CSMD1: variants seen among roughly 807,000 people sequenced by gnomAD.
CSMD1 encodes the protein CUB and sushi domain-containing protein 1.
CSMD1 carries 213 observed loss-of-function variants against 417.5 expected under a neutral mutation model. That is an observed-to-expected ratio of 0.51 (90% CI 0.46 to 0.57). The LOEUF is 0.57. CSMD1 is among the 20% of genes least tolerant of loss of function. The pLI, the probability that CSMD1 is intolerant of heterozygous loss-of-function variation, is 0.00. For missense variants in CSMD1, 6,923 were observed against 4,529.7 expected, an observed-to-expected ratio of 1.53 and a Z score of -15.17; for synonymous variants, 2,862 against 1,736.8, an observed-to-expected ratio of 1.65 and a Z score of -16.11.
intron 3 of CSMD1, among the ~76,000 whole-genome samples, chr8:4,221,021 G>A (rs1011113539): frequency 1.3e-5 from 2 of 152,146 alleles, no homozygotes; most frequent in Non-Finnish European, 2.9e-5. Flanking sequence ...CGCAGGAGGA[G>A]GCCAGTGATT....
Position 2,993,894 on chromosome 8 carries a change from C to T in CSMD1, c.8377+4117G>A, listed in dbSNP as rs149574734. Among the ~76,000 whole-genome samples, 1,419 of 150,858 alleles carry T rather than the reference C, an allele frequency of 9.4e-3. 12 individuals are homozygous for T. The highest frequency in any genetic ancestry group is 0.038 in the Middle Eastern group (11 of 290). Reference sequence around the variant, plus strand: ...TGAAAGTAAGAAAACAGGCTGGGTGCAATGGCTCACTCCTGTAATCCCAGC... The same window carrying T: ...TGAAAGTAAGAAAACAGGCTGGGTGTAATGGCTCACTCCTGTAATCCCAGC... On this transcript the variant is annotated intron_variant, in intron 54 of 69. Transcript: ENST00000635120.
At chr8:4,927,512 C>CT (rs1317704117) in intron 1 of CSMD1, among the ~76,000 whole-genome samples, 2 of 152,194 alleles carry the variant, frequency 1.3e-5, no homozygotes, top group East Asian at 3.9e-4. Flanking sequence ...GATGCCAGTC[C>CT]TTTTTTTCCG....
intron 5 of CSMD1, among the ~76,000 whole-genome samples, chr8:3,781,630 T>C (rs962624653): frequency 3.9e-5 from 6 of 152,164 alleles, no homozygotes; most frequent in Admixed American, 6.5e-5. Context: ...AGAAACCCTA[T>C]AGTTGATGAT....
intron 7 of CSMD1, among the ~76,000 whole-genome samples, chr8:3,687,545 T>G (rs960844294): frequency 4.6e-5 from 7 of 152,226 alleles, no homozygotes; most frequent in Non-Finnish European, 7.3e-5. Flanking sequence ...AGATATTCTC[T>G]GTGTAAATGC....
chr8:3,304,733 TTTAA>T (rs986876965), intron 25 of CSMD1, among the ~76,000 whole-genome samples: 2 of 150,918 alleles, frequency 1.3e-5, no homozygotes, highest in African/African-American at 4.9e-5. Flanking sequence ...TTTTTCTCTT[TTTAA>T]TTTTTTTTAT....
chr8:3,242,886 T>A (rs1359618382), intron 26 of CSMD1, among the ~76,000 whole-genome samples: 2 of 151,754 alleles, frequency 1.3e-5, no homozygotes, highest in East Asian at 3.9e-4. Context: ...GATAAGAGGT[T>A]GGGGCGTGGA....
At chr8:4,254,073 C>T (rs553948377) in intron 3 of CSMD1, among the ~76,000 whole-genome samples, 219 of 151,994 alleles carry the variant, frequency 1.4e-3, no homozygotes, top group South Asian at 2.5e-3. Context: ...CCCACCACCA[C>T]GCCTGGCTAA....
chr8:4,766,864 A>G (rs1309913139), intron 1 of CSMD1, among the ~76,000 whole-genome samples: 1 of 152,198 alleles, frequency 6.6e-6, no homozygotes, highest in Non-Finnish European at 1.5e-5. Context: ...ATAAATATAT[A>G]AATATACATT....
intron 10 of CSMD1, among the ~76,000 whole-genome samples, chr8:3,522,649 G>C (rs898052524): frequency 6.6e-6 from 1 of 152,032 alleles, no homozygotes; most frequent in Non-Finnish European, 1.5e-5. Flanking sequence ...CTTTATTGCA[G>C]ACTTTGTGAC....
In CSMD1 at chr8:3,928,493, G is replaced by A. The variant is rs114275058; in HGVS notation, c.818+69410C>T. Among the ~76,000 whole-genome samples, 1,003 of 151,342 alleles carry A rather than the reference G, an allele frequency of 6.6e-3. 45 individuals carry two copies. Among genetic ancestry groups the A allele is most frequent in the African/African-American group, 0.023 (956 of 41,184 alleles). Reference sequence around the variant, plus strand: ...GTAGAAATAAAAATGCAGTTAAGTGGAACAGGGGGCACTGCCCAGCTGCAT... The same window carrying A: ...GTAGAAATAAAAATGCAGTTAAGTGAAACAGGGGGCACTGCCCAGCTGCAT... On this transcript the variant is annotated intron_variant, in intron 5 of 69. Coordinates refer to ENST00000635120, the MANE Select transcript of CSMD1 (RefSeq NM_033225.6).
intron 5 of CSMD1, among the ~76,000 whole-genome samples, chr8:3,818,133 T>A: frequency 6.6e-6 from 1 of 151,598 alleles, no homozygotes; most frequent in African/African-American, 2.4e-5. Context: ...CCAAAGAGAG[T>A]TTCAGCTAAG....
At chr8:4,827,311 T>G (rs1232513598) in intron 1 of CSMD1, among the ~76,000 whole-genome samples, 31 of 152,000 alleles carry the variant, frequency 2.0e-4, no homozygotes, top group Non-Finnish European at 4.4e-5. Flanking sequence ...ACCAGAATGG[T>G]TTTCATTTTA....
At chr8:3,973,044 C>T (rs913655752) in intron 5 of CSMD1, among the ~76,000 whole-genome samples, 2 of 152,212 alleles carry the variant, frequency 1.3e-5, no homozygotes, top group African/African-American at 4.8e-5. Flanking sequence ...AATAAGATCA[C>T]AGATAAGTGT....
chr8:3,649,898 C>T (rs1052123743), intron 7 of CSMD1, among the ~76,000 whole-genome samples: 2 of 151,924 alleles, frequency 1.3e-5, no homozygotes, highest in East Asian at 3.9e-4. Context: ...ACTATCTAGC[C>T]CAGAGCTTTG....
intron 1 of CSMD1, among the ~76,000 whole-genome samples, chr8:4,823,869 C>G (rs1799658260): frequency 6.6e-6 from 1 of 151,712 alleles, no homozygotes; most frequent in African/African-American, 2.4e-5. Flanking sequence ...AAAAGGAAGG[C>G]TTAATATTGA....
At chr8:4,612,372 T>A (rs1290873016) in intron 2 of CSMD1, among the ~76,000 whole-genome samples, 4 of 151,926 alleles carry the variant, frequency 2.6e-5, no homozygotes, top group Non-Finnish European at 5.9e-5. Context: ...AGAGGAATGG[T>A]TTTCCAATCG....
intron 3 of CSMD1, among the ~76,000 whole-genome samples, chr8:4,187,236 A>T (rs1371738033): frequency 1.3e-5 from 2 of 152,208 alleles, no homozygotes; most frequent in African/African-American, 2.4e-5. Flanking sequence ...ATGGAACTTT[A>T]ACATGTGCTT....
At chr8:3,213,901 A>C (rs1202107590) in intron 30 of CSMD1, among the ~76,000 whole-genome samples, 1 of 151,562 alleles carries the variant, frequency 6.6e-6, no homozygotes, top group Non-Finnish European at 1.5e-5. Context: ...TCTGTCACCC[A>C]GGCTGGAGTG....
At chr8:4,518,296 T>C (rs1803234387) in intron 2 of CSMD1, among the ~76,000 whole-genome samples, 1 of 151,610 alleles carries the variant, frequency 6.6e-6, no homozygotes, top group South Asian at 2.1e-4. Context: ...AGCAGCAGAG[T>C]GAGGTAAAAG....
Sources: gnomAD v4.1 joint callset for allele counts (sites outside exome capture counted in the v4.1 genomes callset) on GRCh38, gnomAD v4.1.1 for gene constraint, MANE v1.5 for transcripts, NCBI Gene and HGNC (gene_info 2026-07-23, HGNC 2026-07-21) for gene names.